The following PACRG variants were observed in gnomAD, a reference collection of about 807,000 sequenced individuals.
PACRG encodes the protein parkin coregulated, also known as parkin coregulated gene protein.
In PACRG, 29 loss-of-function variants were observed where a neutral mutation model predicts 29.7. That is an observed-to-expected ratio of 0.98 (90% CI 0.73 to 1.33). PACRG has a LOEUF of 1.33. Ranked by LOEUF, PACRG falls within the 40% of genes most tolerant of loss-of-function variation. The probability of loss-of-function intolerance (pLI) is 0.00; values close to 1 mark genes in which losing one functional copy is unlikely to be tolerated. For missense variants in PACRG, 279 were observed against 316.2 expected (o/e 0.88, Z 0.89); for synonymous variants, 116 against 118.7 (o/e 0.98, Z 0.15).
intron 2 of PACRG, among the ~76,000 whole-genome samples, chr6:163,030,670 T>G (rs1807576219): frequency 6.6e-6 from 1 of 152,200 alleles, no homozygotes; most frequent in Non-Finnish European, 1.5e-5. Flanking sequence ...CCCTGAGGGC[T>G]GCTTGTTGCC....
intron 3 of PACRG, among the ~76,000 whole-genome samples, chr6:163,075,325 T>C (rs917902005): frequency 5.9e-5 from 9 of 152,226 alleles, no homozygotes; most frequent in Admixed American, 5.9e-4. Flanking sequence ...ACCAAACAGC[T>C]GAAGAAAAAA....
At chr6:162,751,534 A>G (rs1055026683) in intron 1 of PACRG, among the ~76,000 whole-genome samples, 2 of 152,112 alleles carry the variant, frequency 1.3e-5, no homozygotes, top group Non-Finnish European at 2.9e-5. Context: ...AATCAAGTTT[A>G]CATTCAGTTG....
intron 4 of PACRG, among the ~76,000 whole-genome samples, chr6:163,106,664 G>A (rs370520432): frequency 9.9e-5 from 15 of 152,148 alleles, no homozygotes; most frequent in East Asian, 3.9e-4. Context: ...TAGAGTATGC[G>A]TAGATTTTGC....
chr6:163,005,324 T>C (rs1005019296), intron 2 of PACRG, among the ~76,000 whole-genome samples: 1 of 152,084 alleles, frequency 6.6e-6, no homozygotes, highest in Non-Finnish European at 1.5e-5. Context: ...TATTTATTAT[T>C]TTCTTTGTTC....
intron 4 of PACRG, among the ~76,000 whole-genome samples, chr6:163,170,241 G>A (rs1779008557): frequency 2.0e-5 from 3 of 152,218 alleles, no homozygotes; most frequent in Admixed American, 2.0e-4. Context: ...TTAGAGCGGG[G>A]AACAAGAGGT....
At chr6:163,246,404 T>C (rs1782699168) in intron 4 of PACRG, among the ~76,000 whole-genome samples, 1 of 152,160 alleles carries the variant, frequency 6.6e-6, no homozygotes, top group Non-Finnish European at 1.5e-5. Flanking sequence ...GGATTGCTGC[T>C]CAAATTGTGC....
At chr6:162,761,397 C>T (rs1931225) in intron 1 of PACRG, among the ~76,000 whole-genome samples, 3 of 151,880 alleles carry the variant, frequency 2.0e-5, no homozygotes, top group African/African-American at 4.8e-5. Context: ...AATATAAAGG[C>T]GCAGGATCAC....
intron 2 of PACRG, among the ~76,000 whole-genome samples, chr6:162,815,983 A>C (rs2128365848): frequency 6.6e-6 from 1 of 152,274 alleles, no homozygotes; most frequent in Non-Finnish European, 1.5e-5. Flanking sequence ...TGATTCAAAT[A>C]ATTTTATGAG....
At chr6:162,736,444 C>CT (rs1460096721) in intron 1 of PACRG, among the ~76,000 whole-genome samples, 1 of 152,018 alleles carries the variant, frequency 6.6e-6, no homozygotes, top group Non-Finnish European at 1.5e-5. Context: ...AGCAAGATAG[C>CT]TGCGTTTTTG....
At chr6:162,837,589 C>A (rs1431156067) in intron 2 of PACRG, among the ~76,000 whole-genome samples, 1 of 152,118 alleles carries the variant, frequency 6.6e-6, no homozygotes, top group Non-Finnish European at 1.5e-5. Flanking sequence ...ATAATCCTCA[C>A]AACTTATCTG....
chr6:162,975,848 CCCTT>C (rs1801908350), intron 2 of PACRG, among the ~76,000 whole-genome samples: 1 of 151,980 alleles, frequency 6.6e-6, no homozygotes, highest in South Asian at 2.1e-4. Context: ...CTCCCTCCCT[CCCTT>C]CCTTCCACAA....
chr6:163,010,754 T>A (rs1805535073), intron 2 of PACRG, among the ~76,000 whole-genome samples: 1 of 152,140 alleles, frequency 6.6e-6, no homozygotes, highest in Non-Finnish European at 1.5e-5. Flanking sequence ...TCAGGCACGG[T>A]GCTGGGCAGA....
chr6:162,983,472 C>T (rs1418000898), intron 2 of PACRG, among the ~76,000 whole-genome samples: 1 of 151,884 alleles, frequency 6.6e-6, no homozygotes, highest in Non-Finnish European at 1.5e-5. Flanking sequence ...AGATTTAGAA[C>T]TCCTTTTACC....
At chr6:162,999,125 G>T (rs1804350898) in intron 2 of PACRG, among the ~76,000 whole-genome samples, 1 of 152,130 alleles carries the variant, frequency 6.6e-6, no homozygotes, top group Non-Finnish European at 1.5e-5. Flanking sequence ...TAAATTACTT[G>T]TGCAATGAGT....
At chr6:163,028,382 G>T (rs1313974655) in intron 2 of PACRG, among the ~76,000 whole-genome samples, 2 of 152,064 alleles carry the variant, frequency 1.3e-5, no homozygotes, top group Non-Finnish European at 2.9e-5. Context: ...TCCAAAGTTA[G>T]ATTTTGATCA....
intron 2 of PACRG, among the ~76,000 whole-genome samples, chr6:162,947,530 AT>A (rs1277815569): frequency 1.7e-4 from 20 of 117,484 alleles, no homozygotes; most frequent in African/African-American, 7.0e-4. Flanking sequence ...AATCATATAT[AT>A]ACTCATATAT....
chr6:163,020,281 T>A (rs145477111), intron 2 of PACRG, among the ~76,000 whole-genome samples: 1 of 152,304 alleles, frequency 6.6e-6, no homozygotes, highest in Non-Finnish European at 1.5e-5. Flanking sequence ...AATACACCGG[T>A]CACCTTGTCA....
intron 2 of PACRG, among the ~76,000 whole-genome samples, chr6:162,982,647 T>A (rs1802533577): frequency 6.6e-6 from 1 of 152,086 alleles, no homozygotes. Context: ...CCAGTTTTAT[T>A]CCACTGTGGC....
chr6:163,059,823 TG>T (rs1452223979), intron 2 of PACRG, among the ~76,000 whole-genome samples: 1 of 152,172 alleles, frequency 6.6e-6, no homozygotes, highest in Non-Finnish European at 1.5e-5. Context: ...TCACAAACAT[TG>T]GTGTTATTAT....
Sources: gnomAD v4.1 joint callset for allele counts (sites outside exome capture counted in the v4.1 genomes callset) on GRCh38, gnomAD v4.1.1 for gene constraint, MANE v1.5 for transcripts, NCBI Gene and HGNC (gene_info 2026-07-23, HGNC 2026-07-21) for gene names.